The following AGO3 variants were observed in gnomAD, a reference collection of about 807,000 sequenced individuals.
AGO3 encodes protein argonaute-3.
In AGO3, 16 loss-of-function variants were observed where a neutral mutation model predicts 105.5. The observed-to-expected ratio is 0.15, with a 90% CI of 0.10 to 0.23. The LOEUF is 0.23. Among genes scored for constraint, AGO3 ranks in the 10% least tolerant of loss-of-function variants. The pLI is 1.00. For missense variants in AGO3, 534 were observed against 1,088.0 expected (o/e 0.49, Z 7.16); for synonymous variants, 340 against 367.3 (o/e 0.93, Z 0.85).
At chr1:36,004,588 T>G in intron 6 of AGO3, 113 bp downstream of exon 6, 1 of 909,468 alleles carries the variant, frequency 1.1e-6, no homozygotes, top group Middle Eastern at 3.8e-4. Context: ...CCAGTAAAAC[T>G]ATACATCAAT....
At chr1:35,960,800 A>G (rs944802352) in intron 2 of AGO3, among the ~76,000 whole-genome samples, 7 of 152,290 alleles carry the variant, frequency 4.6e-5, no homozygotes, top group Non-Finnish European at 7.3e-5. Context: ...ATTGACCCGT[A>G]TACTATAGAA....
At chr1:36,031,429 A>G (rs1361369047) in intron 12 of AGO3, among the ~76,000 whole-genome samples, 1 of 151,762 alleles carries the variant, frequency 6.6e-6, no homozygotes, top group Non-Finnish European at 1.5e-5. Context: ...CATTTCTACC[A>G]GCAACAAATA....
intron 5 of AGO3, among the ~76,000 whole-genome samples, chr1:35,980,905 A>T (rs886568500): frequency 6.6e-6 from 1 of 152,130 alleles, no homozygotes; most frequent in Admixed American, 6.5e-5. Flanking sequence ...TCTATCCTAC[A>T]TGCTTCTTAC....
rs1435612183 is a variant in AGO3, at chr1:36,027,653, C to T, written c.1591+355C>T. Among the ~76,000 whole-genome samples, 1 of 152,052 alleles carries T rather than the reference C, an allele frequency of 6.6e-6. No homozygotes were observed. The highest frequency in any genetic ancestry group is 1.5e-5 in the Non-Finnish European group (1 of 68,016). On this transcript the variant is annotated intron_variant, in intron 12 of 18. Transcript: ENST00000373191. This position sits in a 1 kb window ranked among gnomAD's most constrained non-coding sequence, Gnocchi z 4.0. ...AATTAGCTGGGCGTGGTGGTGGGCGCCTGTGGTCCCAGCCACTCAGGAGGC... is the reference window on the plus strand; with the variant it reads ...AATTAGCTGGGCGTGGTGGTGGGCGTCTGTGGTCCCAGCCACTCAGGAGGC...
chr1:35,932,495 G>A (rs551764405), intron 1 of AGO3, among the ~76,000 whole-genome samples: 8 of 151,702 alleles, frequency 5.3e-5, no homozygotes, highest in Admixed American at 1.3e-4. Flanking sequence ...AATAGATTAC[G>A]TGTCAAATGG....
chr1:36,051,424 C>G (rs761292180), intron 17 of AGO3, among the ~76,000 whole-genome samples: 1 of 151,986 alleles, frequency 6.6e-6, no homozygotes, highest in Non-Finnish European at 1.5e-5. Context: ...ACATTTACAT[C>G]AAAAACATAG....
At chr1:35,977,363 T>G (rs2148779721) in intron 5 of AGO3, among the ~76,000 whole-genome samples, 1 of 151,526 alleles carries the variant, frequency 6.6e-6, no homozygotes, top group Admixed American at 6.6e-5. Context: ...ATACAGAGTT[T>G]TACAAAGTAG....
intron 6 of AGO3, chr1:36,005,894 G>T (rs951597815): frequency 1.0e-6 from 1 of 984,912 alleles, no homozygotes; most frequent in Non-Finnish European, 1.2e-6. Flanking sequence ...ATTTATTAAA[G>T]CCAAAAGTGT....
chr1:35,948,641 T>C (rs1646414381), intron 2 of AGO3, among the ~76,000 whole-genome samples: 1 of 152,220 alleles, frequency 6.6e-6, no homozygotes, highest in Non-Finnish European at 1.5e-5. Context: ...TGTGTAATTA[T>C]ATATGTGTAT....
intron 3 of AGO3, among the ~76,000 whole-genome samples, chr1:35,971,224 A>T (rs937019973): frequency 7.0e-6 from 1 of 143,432 alleles, no homozygotes; most frequent in Non-Finnish European, 1.5e-5. Flanking sequence ...CAGTGGTGTG[A>T]TCTTGGCTCA....
intron 2 of AGO3, among the ~76,000 whole-genome samples, chr1:35,946,580 T>C (rs758276735): frequency 5.3e-5 from 8 of 152,240 alleles, no homozygotes; most frequent in Non-Finnish European, 7.3e-5. Flanking sequence ...TTCTTATTCA[T>C]TAAATGTTAT....
intron 11 of AGO3, among the ~76,000 whole-genome samples, chr1:36,018,891 G>A (rs560818397): frequency 6.6e-6 from 1 of 151,938 alleles, no homozygotes; most frequent in East Asian, 1.9e-4. Context: ...CACAATCTTG[G>A]GAAATCTGTC....
At chr1:35,944,875 G>A (rs543960099) in intron 1 of AGO3, among the ~76,000 whole-genome samples, 7 of 152,012 alleles carry the variant, frequency 4.6e-5, no homozygotes, top group Non-Finnish European at 7.4e-5. Context: ...TAATCTTGGC[G>A]CATTGCAAAC....
At chr1:35,972,360 G>A in intron 4 of AGO3, 128 bp downstream of exon 4, 1 of 1,090,554 alleles carries the variant, frequency 9.2e-7, no homozygotes, top group Non-Finnish European at 1.3e-6. Flanking sequence ...AACAAGAATA[G>A]CATCCATACA....
chr1:35,996,251 G>A (rs1557673115), intron 5 of AGO3, among the ~76,000 whole-genome samples: 1 of 151,612 alleles, frequency 6.6e-6, no homozygotes, highest in East Asian at 1.9e-4. Flanking sequence ...CTTGAGCCCA[G>A]GAGTTAGAGG....
intron 1 of AGO3, among the ~76,000 whole-genome samples, chr1:35,944,338 C>G (rs1646317804): frequency 6.6e-6 from 1 of 151,972 alleles, no homozygotes; most frequent in Admixed American, 6.6e-5. Context: ...GCACAAGATG[C>G]TGTGCCTGGC....
At chr1:35,965,144 T>A (rs1399660331) in intron 2 of AGO3, among the ~76,000 whole-genome samples, 2 of 149,754 alleles carry the variant, frequency 1.3e-5, no homozygotes, top group Non-Finnish European at 3.0e-5. Context: ...AAAAAAAAAA[T>A]GACAAAATGG....
In AGO3 at chr1:35,972,121, A is replaced by T. The variant is rs752215572; in HGVS notation, c.410A>T (p.His137Leu). ...TCTCGGGTGAGTTGGCACCTACTGC[A>T]TGAAGTACTGACAGGACGGACCTTG... ...FVSRVSWHLLHEVLTGRTLPE... is the reference protein window; with the variant it reads ...FVSRVSWHLLLEVLTGRTLPE... Residue 137 changes from histidine (H) to leucine (L), a missense_variant, in exon 4 of 19, where the codon CAT (histidine) becomes CTT (leucine). Coordinates refer to ENST00000373191, the MANE Select transcript of AGO3 (RefSeq NM_024852.4). 6.2e-6 allele frequency: 10 copies of T among 1,614,054 alleles called. No individual in the cohort carries two copies. Among genetic ancestry groups the T allele is most frequent in the Admixed American group, 1.7e-5 (1 of 59,980 alleles).
At chr1:36,003,709 A>AAAAAAAAATATATATATAT (rs1295618675) in intron 5 of AGO3, among the ~76,000 whole-genome samples, 2 of 99,434 alleles carry the variant, frequency 2.0e-5, no homozygotes, top group Non-Finnish European at 3.9e-5. Flanking sequence ...AAAAAAAAAA[A>AAAAAAAAATATATATATAT]ATATATATAT....
Sources: gnomAD v4.1 joint callset for allele counts (sites outside exome capture counted in the v4.1 genomes callset) on GRCh38, gnomAD v4.1.1 for gene constraint, Gnocchi (gnomAD v3.1) non-coding constraint, MANE v1.5 for transcripts, NCBI Gene and HGNC (gene_info 2026-07-23, HGNC 2026-07-21) for gene names.